The following RGMA variants were observed in gnomAD, a reference collection of about 807,000 sequenced individuals.
RGMA encodes repulsive guidance molecule A.
A neutral mutation model predicts 23.2 loss-of-function variants in RGMA; 10 were observed. The ratio of observed to expected loss-of-function variants is 0.43; its 90% confidence interval spans 0.27 to 0.73. The LOEUF (loss-of-function observed/expected upper bound fraction) is 0.73. RGMA is among the 30% of genes least tolerant of loss of function. The pLI is 0.20. For missense variants in RGMA, 547 were observed against 630.5 expected (o/e 0.87, Z 1.42); for synonymous variants, 308 against 279.3 (o/e 1.10, Z -1.03).
chr15:93,078,738 T>A (rs1416857512), intron 1 of RGMA, among the ~76,000 whole-genome samples: 1 of 152,222 alleles, frequency 6.6e-6, no homozygotes, highest in Non-Finnish European at 1.5e-5. Context: ...GGGAAGAGAA[T>A]ACAACTGCCA....
At chr15:93,085,668 A>G (rs1311482272) in intron 1 of RGMA, among the ~76,000 whole-genome samples, 1 of 152,206 alleles carries the variant, frequency 6.6e-6, no homozygotes, top group Non-Finnish European at 1.5e-5. Context: ...AAAACTTTTT[A>G]TATGAGGTTA....
chr15:93,088,508 G>C, intron 1 of RGMA: 3 of 995,172 alleles, frequency 3.0e-6, no homozygotes, highest in Non-Finnish European at 3.6e-6. Context: ...CTCCGCAGCC[G>C]GGCGTCGAGC....
intron 1 of RGMA, chr15:93,073,299 G>T: frequency 1.9e-6 from 1 of 529,216 alleles, no homozygotes; most frequent in Non-Finnish European, 2.4e-6. Context: ...CGGCGAGGTA[G>T]CCGGAGGCGG....
At chr15:93,065,894 T>C (rs187121031) in intron 2 of RGMA, 3 of 719,390 alleles carry the variant, frequency 4.2e-6, no homozygotes, top group Non-Finnish European at 7.5e-6. Flanking sequence ...GTGCTCTCTG[T>C]AGGCTGTTGC....
At chr15:93,075,749 G>A (rs1338864919) in intron 1 of RGMA, among the ~76,000 whole-genome samples, 1 of 152,202 alleles carries the variant, frequency 6.6e-6, no homozygotes, top group Non-Finnish European at 1.5e-5. Context: ...ACGGGTACTG[G>A]CTGCCTTTTT....
At chr15:93,087,891 C>CA (rs1895664778) in intron 1 of RGMA, among the ~76,000 whole-genome samples, 1 of 152,118 alleles carries the variant, frequency 6.6e-6, no homozygotes, top group African/African-American at 2.4e-5. Flanking sequence ...CGTCGATACT[C>CA]AGAGAGCTTC....
At position 93,044,933 on chromosome 15, in the gene RGMA, G is replaced by T; in HGVS notation, c.*65C>A. 7.4e-7 allele frequency: 1 copy of T among 1,342,520 alleles called. No homozygotes were observed. Among genetic ancestry groups the T allele is most frequent in the Non-Finnish European group, 1.0e-6 (1 of 981,952 alleles). The allele number at this position is 1,342,520 out of a possible 1,614,324, so 83.2% of individuals were successfully genotyped here. A position where few individuals can be genotyped will look rare whatever the true frequency, so the allele number is the denominator to read the frequency against. On this transcript the variant is annotated 3_prime_UTR_variant, in exon 4 of 4. Transcript: ENST00000329082. ...GCCAGGAGATCTGCACCCCGTGGGC[G>T]GTCCCAGCCCACACATGGGGAAGCC...
At chr15:93,088,626 C>A (rs539024734) in intron 1 of RGMA, 8 of 1,020,166 alleles carry the variant, frequency 7.8e-6, no homozygotes, top group African/African-American at 3.4e-5. Flanking sequence ...AAGGAGCTCC[C>A]AGCCCGCACA....
chr15:93,061,261 C>G (rs1036745018), intron 2 of RGMA, among the ~76,000 whole-genome samples: 3 of 152,240 alleles, frequency 2.0e-5, no homozygotes. Context: ...TCAAGCAATT[C>G]TCCTGCCTCA....
intron 2 of RGMA, among the ~76,000 whole-genome samples, chr15:93,057,020 G>A (rs1179986768): frequency 6.6e-6 from 1 of 152,142 alleles, no homozygotes; most frequent in East Asian, 1.9e-4. Context: ...CAGCAGATGT[G>A]GCATCTCTCC....
At chr15:93,065,952 GGGTGGGGGGC>G in intron 2 of RGMA, 1 of 839,224 alleles carries the variant, frequency 1.2e-6, no homozygotes, top group South Asian at 1.5e-5. Flanking sequence ...GGTAGAAGAA[GGGTGGGGGGC>G]GCCGTCGTCT....
At chr15:93,052,790 G>T (rs963922581) in intron 2 of RGMA, among the ~76,000 whole-genome samples, 5 of 152,328 alleles carry the variant, frequency 3.3e-5, no homozygotes, top group African/African-American at 1.2e-4. Context: ...ACTGTTTGGG[G>T]GCAGTAGGAC....
intron 1 of RGMA, among the ~76,000 whole-genome samples, chr15:93,076,954 C>T (rs186323514): frequency 3.9e-5 from 6 of 152,264 alleles, no homozygotes; most frequent in African/African-American, 4.8e-5. Flanking sequence ...AGAACACAGG[C>T]GCCAGGGGGC....
In RGMA at chr15:93,045,417, G is replaced by A; in HGVS notation, c.934C>T (p.Leu312Phe). 6.2e-7 allele frequency: 1 copy of A among 1,613,196 alleles called. No individual in the cohort carries two copies. The highest frequency in any genetic ancestry group is 1.1e-5 in the South Asian group (1 of 91,074). ...GGGCAGCCCCGCAGGCAGAGGTAGAGACCCTGGCTGTCCCAGTCCTCCACA... is the reference window on the plus strand; with the variant it reads ...GGGCAGCCCCGCAGGCAGAGGTAGAAACCCTGGCTGTCCCAGTCCTCCACA... ...NAVEDWDSQG[L>F]YLCLRGCPLN... Residue 312 changes from leucine to phenylalanine, a missense_variant, in exon 4 of 4, where the codon CTC (leucine) becomes TTC (phenylalanine). Physicochemically the swap from Leu to Phe is conservative, Grantham distance 22. Coordinates refer to ENST00000329082, the MANE Select transcript of RGMA (RefSeq NM_020211.3). This position sits in a 1 kb window ranked among gnomAD's most constrained non-coding sequence, Gnocchi z 6.9.
In RGMA at chr15:93,042,970, A is replaced by G. The variant is rs563579058; in HGVS notation, c.*2028T>C. The G allele has an allele frequency of 4.6e-5, 7 of 151,238 alleles. No individual in the cohort carries two copies. Among genetic ancestry groups the G allele is most frequent in the African/African-American group, 1.5e-4 (6 of 40,860 alleles). 9.4% of individuals were successfully genotyped at this position (151,238 alleles called of 1,614,324 possible). On this transcript the variant is annotated 3_prime_UTR_variant, in exon 4 of 4. Transcript: ENST00000329082. ...CACCCATCTCATCCCAGAGGGCACC[A>G]TATGTCTCTCCACCACATAGTCACC... is the stretch of plus-strand genomic sequence containing the variant.
At position 93,089,143 on chromosome 15, in the gene RGMA, A is replaced by G; in HGVS notation, c.-211T>C. On this transcript the variant is annotated 5_prime_UTR_variant, in exon 1 of 4. Coordinates refer to ENST00000329082, the MANE Select transcript of RGMA (RefSeq NM_020211.3). ...GCCTGGCGGAGCCGGCCCGGGAGCGAACGGCCAGTGCTTCCCCGGCCCAGC... is the reference window on the plus strand; with the variant it reads ...GCCTGGCGGAGCCGGCCCGGGAGCGGACGGCCAGTGCTTCCCCGGCCCAGC... 3.0e-6 allele frequency: 1 copy of G among 329,018 alleles called. No homozygotes were observed. The highest frequency in any genetic ancestry group is 5.5e-6 in the Non-Finnish European group (1 of 182,208). The allele number at this position is 329,018 out of a possible 1,614,324, so 20.4% of individuals were successfully genotyped here.
chr15:93,051,042 T>TC (rs2054910154), intron 3 of RGMA, among the ~76,000 whole-genome samples: 1 of 152,038 alleles, frequency 6.6e-6, no homozygotes, highest in African/African-American at 2.4e-5. Flanking sequence ...CCATTAGGTG[T>TC]CATGTTGTGG....
chr15:93,054,207 GAGAC>G (rs1028496762), intron 2 of RGMA, among the ~76,000 whole-genome samples: 2 of 138,356 alleles, frequency 1.4e-5, no homozygotes, highest in African/African-American at 5.6e-5. Context: ...TCCAGTCTGG[GAGAC>G]AGAGCAAGAC....
rs992902189 is a variant in RGMA at position 93,036,253 on chromosome 15, C to G, written c.*8745G>C. The G allele has an allele frequency of 6.6e-6, 1 of 152,222 alleles. No homozygotes were observed. Among genetic ancestry groups the G allele is most frequent in the South Asian group, 2.1e-4 (1 of 4,828 alleles). 9.4% of individuals were successfully genotyped at this position (152,222 alleles called of 1,614,324 possible). A position where few individuals can be genotyped will look rare whatever the true frequency, so the allele number is the denominator to read the frequency against. On this transcript the variant is annotated 3_prime_UTR_variant, in exon 4 of 4. Transcript: ENST00000329082. Reference sequence around the variant, plus strand: ...TATTTGTTGAATGCCTGAATGTGCCCCCAAATCCAGACTACGACCAGCCAC... The same window carrying G: ...TATTTGTTGAATGCCTGAATGTGCCGCCAAATCCAGACTACGACCAGCCAC...
Sources: allele counts gnomAD v4.1 joint callset (sites outside exome capture counted in the v4.1 genomes callset), GRCh38; gene constraint gnomAD v4.1.1; non-coding constraint Gnocchi (gnomAD v3.1); transcripts MANE v1.5; gene names NCBI Gene and HGNC (gene_info 2026-07-23, HGNC 2026-07-21).